Variants in DMD observed in about 807,000 individuals in gnomAD.
DMD encodes the protein mutant dystrophin.
DMD carries 63 observed loss-of-function variants against 330.1 expected under a neutral mutation model. The ratio of observed to expected loss-of-function variants is 0.19; its 90% CI spans 0.16 to 0.24. DMD has a LOEUF of 0.24. Ranked by LOEUF, DMD falls within the 10% of genes least tolerant of loss-of-function variation. DMD has a pLI of 1.00. For missense variants in DMD, 3,344 were observed against 2,684.1 expected (o/e 1.25, Z -5.43); for synonymous variants, 1,223 against 959.8 (o/e 1.27, Z -5.07).
intron 16 of DMD, among the ~76,000 whole-genome samples, chrX:32,548,980 C>A (rs1569177999): frequency 8.9e-6 from 1 of 111,790 alleles, no homozygotes; most frequent in Non-Finnish European, 1.9e-5. Flanking sequence ...TTTACCCAGT[C>A]ACCTTTCTTC....
At chrX:31,877,261 G>C (rs1469175268) in intron 47 of DMD, among the ~76,000 whole-genome samples, 1 of 112,046 alleles carries the variant, frequency 8.9e-6, no homozygotes. Flanking sequence ...TCCAGCCTGG[G>C]CTGTTGCAGG....
intron 41 of DMD, among the ~76,000 whole-genome samples, chrX:32,318,925 T>A (rs779702989): frequency 9.0e-6 from 1 of 110,845 alleles, no homozygotes; most frequent in South Asian, 3.8e-4. Flanking sequence ...ATGTAAAAGG[T>A]CTGGACAGAC....
At chrX:33,193,738 C>T (rs765730763) in intron 1 of DMD, among the ~76,000 whole-genome samples, 2 of 112,105 alleles carry the variant, frequency 1.8e-5, no homozygotes, top group South Asian at 3.7e-4. Flanking sequence ...TGTATGTATG[C>T]ATAATTCTAG....
intron 11 of DMD, among the ~76,000 whole-genome samples, chrX:32,642,305 A>C (rs1429304190): frequency 3.6e-5 from 4 of 112,468 alleles, no homozygotes; most frequent in African/African-American, 1.3e-4. Flanking sequence ...TCTCATTTTA[A>C]AAACTCTGTG....
At chrX:32,189,990 C>G (rs1471614260) in intron 44 of DMD, among the ~76,000 whole-genome samples, 1 of 110,967 alleles carries the variant, frequency 9.0e-6, no homozygotes, top group Non-Finnish European at 1.9e-5. Flanking sequence ...AACATACCAG[C>G]TTTCTTAGAT....
chrX:31,651,535 A>C (rs1370720562), intron 54 of DMD, among the ~76,000 whole-genome samples: 1 of 111,590 alleles, frequency 9.0e-6, no homozygotes, highest in African/African-American at 3.3e-5. Flanking sequence ...ATATCCAGCT[A>C]TCTACTCCAC....
intron 44 of DMD, among the ~76,000 whole-genome samples, chrX:32,028,840 T>C (rs1440624644): frequency 9.0e-6 from 1 of 111,534 alleles, no homozygotes; most frequent in Non-Finnish European, 1.9e-5. Context: ...AGTGTTATAA[T>C]GCTATATTAT....
At chrX:33,232,336 T>C (rs1446337967) in intron 1 of DMD, among the ~76,000 whole-genome samples, 1 of 112,078 alleles carries the variant, frequency 8.9e-6, no homozygotes, top group Admixed American at 9.5e-5. Flanking sequence ...CTAATAAATA[T>C]TTGTTCAATA....
intron 44 of DMD, among the ~76,000 whole-genome samples, chrX:32,065,047 A>G (rs1372961406): frequency 9.0e-6 from 1 of 111,576 alleles, no homozygotes; most frequent in Non-Finnish European, 1.9e-5. Flanking sequence ...GAGAAAAGAC[A>G]GTGCAAGTTT....
intron 44 of DMD, among the ~76,000 whole-genome samples, chrX:32,010,646 C>T (rs959678063): frequency 9.9e-5 from 11 of 111,542 alleles, no homozygotes; most frequent in South Asian, 7.5e-4. Context: ...CCTAGAAATA[C>T]GTATCATGTC....
chrX:31,941,578 T>C (rs2095001575), intron 45 of DMD, among the ~76,000 whole-genome samples: 1 of 111,580 alleles, frequency 9.0e-6, no homozygotes, highest in Non-Finnish European at 1.9e-5. Context: ...ATCCAGGTAG[T>C]ATACGTACAG....
At chrX:32,003,202 G>A (rs1054148330) in intron 44 of DMD, among the ~76,000 whole-genome samples, 20 of 111,959 alleles carry the variant, frequency 1.8e-4, no homozygotes, top group African/African-American at 6.5e-4. Context: ...TGTCTGCTAG[G>A]TGAAGCAGTT....
chrX:31,474,293 AAC>A (rs2067558049), intron 59 of DMD, among the ~76,000 whole-genome samples: 1 of 111,771 alleles, frequency 8.9e-6, no homozygotes, highest in Non-Finnish European at 1.9e-5. Context: ...ATCTCACAGA[AAC>A]ACATATTACT....
At chrX:32,074,961 C>T (rs5971609) in intron 44 of DMD, among the ~76,000 whole-genome samples, 28,469 of 109,475 alleles carry the variant, frequency 0.26, 2,829 homozygotes, top group South Asian at 0.38. Flanking sequence ...AGTCCTAAAA[C>T]TTATATTTAC....
chrX:31,786,763 G>A (rs745826671), intron 50 of DMD, among the ~76,000 whole-genome samples: 8 of 111,592 alleles, frequency 7.2e-5, no homozygotes, highest in East Asian at 5.7e-4. Flanking sequence ...CAAAAGTCTC[G>A]CCCATTTGCC....
intron 1 of DMD, among the ~76,000 whole-genome samples, chrX:33,194,056 C>G (rs2050796235): frequency 9.0e-6 from 1 of 110,613 alleles, no homozygotes; most frequent in African/African-American, 3.3e-5. Flanking sequence ...GTTACCTCAT[C>G]TGACAAGTGA....
rs61164681 is a variant in DMD at position 31,778,574 on chromosome X, T to TTTA, written c.7310-4383_7310-4382insTAA. On this transcript the variant is annotated intron_variant, in intron 50 of 78. Coordinates refer to ENST00000357033, the MANE Select transcript of DMD (RefSeq NM_004006.3). ...GTTTTGAAGTCCTGAAATTTTTTTT[T>TTTA]TTTTTTTTTTTTTTTGAGACAGAGT... is the stretch of plus-strand genomic sequence containing the variant. 2.0e-3 allele frequency among the ~76,000 whole-genome samples: 187 copies of TTTA among 92,980 alleles called. 1 individual carries two copies. The highest frequency in any genetic ancestry group is 7.2e-3 in the African/African-American group (182 of 25,123). 80.7% of individuals were successfully genotyped at this position (92,980 alleles called of 115,157 possible).
chrX:33,070,103 T>C (rs1443123291), intron 1 of DMD, among the ~76,000 whole-genome samples: 2 of 111,867 alleles, frequency 1.8e-5, no homozygotes, highest in African/African-American at 6.5e-5. Flanking sequence ...GGAAAAAGCC[T>C]GCTAGCAGAT....
Position 31,121,617 on chromosome X carries a change from A to C in DMD, c.*302T>G. 2.9e-6 allele frequency: 1 copy of C among 343,431 alleles called. No individual in the cohort carries two copies. Among genetic ancestry groups the C allele is most frequent in the East Asian group, 4.6e-5 (1 of 21,781 alleles). The allele number at this position is 343,431 out of a possible 1,213,427, so 28.3% of individuals were successfully genotyped here. ...ATTTAGCTATCAAGATTTTACATGTAGTTTTCTTATAACTTTTTTGTACAA... is the reference window on the plus strand; with the variant it reads ...ATTTAGCTATCAAGATTTTACATGTCGTTTTCTTATAACTTTTTTGTACAA... On this transcript the variant is annotated 3_prime_UTR_variant, in exon 79 of 79. Transcript: ENST00000357033.
Sources: allele counts gnomAD v4.1 joint callset (sites outside exome capture counted in the v4.1 genomes callset), GRCh38; gene constraint gnomAD v4.1.1; transcripts MANE v1.5; gene names NCBI Gene and HGNC (gene_info 2026-07-23, HGNC 2026-07-21).